The following GRK5 variants were observed in gnomAD, a reference collection of about 807,000 sequenced individuals.
GRK5 encodes G protein-coupled receptor kinase 5, also known as g protein-coupled receptor kinase GRK5.
GRK5 carries 40 observed loss-of-function variants against 78.4 expected under a neutral mutation model. That is an observed-to-expected ratio of 0.51 (90% CI 0.40 to 0.66). GRK5 has a LOEUF of 0.66. GRK5 is among the 30% of genes least tolerant of loss of function. The pLI, the probability that GRK5 is intolerant of heterozygous loss-of-function variation, is 0.00. For synonymous variants in GRK5, 289 were observed against 296.8 expected (o/e 0.97, Z 0.27); for missense variants, 598 against 759.9 (o/e 0.79, Z 2.50).
intron 4 of GRK5, among the ~76,000 whole-genome samples, chr10:119,404,352 G>C (rs773999265): frequency 6.6e-6 from 1 of 152,126 alleles, no homozygotes; most frequent in Non-Finnish European, 1.5e-5. Flanking sequence ...GTTCATTTTT[G>C]AATTGGGTTG....
chr10:119,434,159 G>A (rs1852876668), intron 8 of GRK5, among the ~76,000 whole-genome samples: 1 of 152,132 alleles, frequency 6.6e-6, no homozygotes, highest in Admixed American at 6.6e-5. Flanking sequence ...ACAACACATA[G>A]GAATTATGGG....
rs575273161 is a variant in GRK5 at position 119,306,070 on chromosome 10, G to A, written c.53-20446G>A. On this transcript the variant is annotated intron_variant, in intron 1 of 15. Transcript: ENST00000392870. Reference sequence around the variant, plus strand: ...TCCTGGGTGTCAGCTGGAGGACTGTGTGATGGTGAGGGAGTTGAACCACTG... The same window carrying A: ...TCCTGGGTGTCAGCTGGAGGACTGTATGATGGTGAGGGAGTTGAACCACTG... 2.0e-5 allele frequency among the ~76,000 whole-genome samples: 3 copies of A among 152,270 alleles called. No homozygotes were observed. The South Asian group carries it at 6.2e-4, about 32-fold the overall frequency.
At chr10:119,244,950 A>G (rs1412514494) in intron 1 of GRK5, among the ~76,000 whole-genome samples, 1 of 152,204 alleles carries the variant, frequency 6.6e-6, no homozygotes, top group Admixed American at 6.5e-5. Flanking sequence ...GGATTACCAC[A>G]TGGTCCAGCA....
At chr10:119,354,462 C>T (rs570955023) in intron 2 of GRK5, among the ~76,000 whole-genome samples, 16 of 130,944 alleles carry the variant, frequency 1.2e-4, no homozygotes, top group African/African-American at 2.0e-4. Flanking sequence ...AGTGCAGTGG[C>T]GCAATCATGC....
At chr10:119,428,336 C>T (rs142895169) in intron 6 of GRK5, among the ~76,000 whole-genome samples, 43 of 152,374 alleles carry the variant, frequency 2.8e-4, no homozygotes, top group Non-Finnish European at 5.1e-4. Context: ...GCTCCCTGAG[C>T]TTGTGTGAGG....
chr10:119,433,195 G>T (rs1409652800), intron 8 of GRK5, among the ~76,000 whole-genome samples: 1 of 152,226 alleles, frequency 6.6e-6, no homozygotes, highest in African/African-American at 2.4e-5. Flanking sequence ...GGGTGCAGGT[G>T]TGGGCAGTGC....
At chr10:119,449,848 C>A (rs540139381) in intron 13 of GRK5, among the ~76,000 whole-genome samples, 2 of 152,196 alleles carry the variant, frequency 1.3e-5, no homozygotes, top group African/African-American at 4.8e-5. Flanking sequence ...TGAGCTTGAG[C>A]AGGCAGGGGG....
At chr10:119,284,901 A>G (rs1849821528) in intron 1 of GRK5, among the ~76,000 whole-genome samples, 1 of 152,318 alleles carries the variant, frequency 6.6e-6, no homozygotes, top group South Asian at 2.1e-4. Flanking sequence ...TCTGCAGAGC[A>G]CAGGCATCCG....
In GRK5 at chr10:119,442,097, T is replaced by A. The variant is rs1390369575; in HGVS notation, c.1057+9T>A. The A allele has an allele frequency of 6.2e-7, 1 of 1,611,902 alleles. No homozygotes were observed. ...CACTGTTGGCTACATGGGTGAGTGC[T>A]GGGCTGCCTGTGTCAATGCACCTTG... On this transcript the variant is annotated intron_variant, in intron 11 of 15. Transcript: ENST00000392870.
intron 1 of GRK5, among the ~76,000 whole-genome samples, chr10:119,268,539 C>T (rs569181108): frequency 6.6e-6 from 1 of 152,296 alleles, no homozygotes; most frequent in East Asian, 1.9e-4. Flanking sequence ...TTGAACCTTA[C>T]CTCCTTTGAG....
At chr10:119,233,060 C>A (rs1848857505) in intron 1 of GRK5, among the ~76,000 whole-genome samples, 1 of 152,182 alleles carries the variant, frequency 6.6e-6, no homozygotes, top group African/African-American at 2.4e-5. Flanking sequence ...TTGGTCTGGG[C>A]CTCCCTCAGT....
chr10:119,244,428 A>G (rs1185592159), intron 1 of GRK5, among the ~76,000 whole-genome samples: 1 of 152,280 alleles, frequency 6.6e-6, no homozygotes, highest in African/African-American at 2.4e-5. Flanking sequence ...GAGCAAAGGA[A>G]TTGAACAGAC....
chr10:119,442,436 G>A (rs186498717), intron 11 of GRK5, among the ~76,000 whole-genome samples: 59 of 152,330 alleles, frequency 3.9e-4, no homozygotes, highest in African/African-American at 1.4e-3. Context: ...TTGAGAGGAA[G>A]GAGGTAATTC....
At chr10:119,275,742 C>T (rs1256471316) in intron 1 of GRK5, among the ~76,000 whole-genome samples, 3 of 151,818 alleles carry the variant, frequency 2.0e-5, no homozygotes, top group South Asian at 2.1e-4. Context: ...TAGATGGGTG[C>T]GTTTGGAAGG....
Position 119,431,554 on chromosome 10 carries a change from CGGCTCGCCCTTCTGTGGACTGG to C in GRK5, c.738+32_738+53del, listed in dbSNP as rs1564932701. 1.2e-6 allele frequency: 2 copies of C among 1,605,086 alleles called. No homozygotes were observed. Among genetic ancestry groups the C allele is most frequent in the Non-Finnish European group, 1.7e-6 (2 of 1,175,096 alleles). On this transcript the variant is annotated intron_variant, in intron 8 of 15. Transcript: ENST00000392870. The surrounding 1 kb of genome is among the most constrained non-coding windows in gnomAD (Gnocchi z 4.8). ...TGAGTGAGCATCTGGGCCCAGTGAC[CGGCTCGCCCTTCTGTGGACTGG>C]GGCTTCCCTCCCTCCGGAAGGGCGT...
At chr10:119,325,922 G>A (rs1427101263) in intron 1 of GRK5, among the ~76,000 whole-genome samples, 2 of 152,262 alleles carry the variant, frequency 1.3e-5, no homozygotes, top group Non-Finnish European at 2.9e-5. Context: ...GCACTGGGGA[G>A]GATGTGAGGC....
intron 4 of GRK5, among the ~76,000 whole-genome samples, chr10:119,411,255 T>A (rs1852331779): frequency 6.6e-6 from 1 of 152,166 alleles, no homozygotes; most frequent in South Asian, 2.1e-4. Flanking sequence ...AGTGGTGGTG[T>A]GTGTCTGCAC....
chr10:119,249,071 C>T (rs1185534698), intron 1 of GRK5, among the ~76,000 whole-genome samples: 2 of 152,086 alleles, frequency 1.3e-5, no homozygotes, highest in Non-Finnish European at 2.9e-5. Context: ...AAGTTCAAGA[C>T]CAGCCTGGTC....
intron 1 of GRK5, among the ~76,000 whole-genome samples, chr10:119,231,721 AAAG>A (rs1337177201): frequency 6.6e-6 from 1 of 151,792 alleles, no homozygotes. Context: ...AAAAAAAAAA[AAAG>A]AAAAAAAACT....
Sources: gnomAD v4.1 joint callset for allele counts (sites outside exome capture counted in the v4.1 genomes callset) on GRCh38, gnomAD v4.1.1 for gene constraint, Gnocchi (gnomAD v3.1) non-coding constraint, MANE v1.5 for transcripts, NCBI Gene and HGNC (gene_info 2026-07-23, HGNC 2026-07-21) for gene names.